OTOA: variants seen among roughly 807,000 people sequenced by gnomAD.
OTOA encodes otoancorin, also known as cancer/testis antigen 108.
OTOA carries 70 observed loss-of-function variants against 110.8 expected under a neutral mutation model. That is an observed-to-expected ratio of 0.63 (90% CI 0.52 to 0.77). OTOA has a LOEUF of 0.77. OTOA is among the 30% of genes least tolerant of loss of function. The pLI is 0.00. For synonymous variants in OTOA, 373 were observed against 431.5 expected (o/e 0.86, Z 1.68); for missense variants, 917 against 1,075.8 (o/e 0.85, Z 2.06).
In OTOA at chr16:21,675,059, TTCTG is replaced by T. The variant is rs879613650; in HGVS notation, c.-4-3448_-4-3445del. ...ATTTGGTCATGAGGTCATGTTTTCT[TTCTG>T]TCTTTCTTTCTTTCTTTCTTTCTTT... On this transcript the variant is annotated intron_variant, in intron 1 of 28. Coordinates refer to ENST00000646100, the MANE Select transcript of OTOA (RefSeq NM_144672.4). Among the ~76,000 whole-genome samples, 298 of 131,388 alleles carry T rather than the reference TTCTG, an allele frequency of 2.3e-3. 3 individuals carry two copies. The highest frequency in any genetic ancestry group is 6.1e-3 in the African/African-American group (203 of 33,214). The allele number at this position is 131,388 out of a possible 152,430, so 86.2% of individuals were successfully genotyped here.
chr16:21,679,137 G>A (rs1228324452), intron 4 of OTOA, 47 bp from the exon 5 acceptor site: 2 of 1,613,406 alleles, frequency 1.2e-6, no homozygotes, highest in South Asian at 2.2e-5. Flanking sequence ...TGATCTCTCT[G>A]GAATGATTCC....
chr16:21,717,010 C>T lies in OTOA; in HGVS notation c.1592C>T (p.Ser531Phe), dbSNP rs1196134826. 6.2e-7 allele frequency: 1 copy of T among 1,614,008 alleles called. No homozygotes were observed. Among genetic ancestry groups the T allele is most frequent in the South Asian group, 1.1e-5 (1 of 91,084 alleles). Residue 531 changes from serine (S) to phenylalanine (F), a missense_variant, in exon 15 of 29, where the codon TCT (serine) becomes TTT (phenylalanine). By Grantham distance (155) the Ser-to-Phe change is radical. Transcript: ENST00000646100. ...TTAAGGAGGCAACCTGGATTCAACT[C>T]TACAGTCCTGAAGGATAAGGAACTT... Reference protein sequence around the residue: ...FDLRRQPGFNSTVLKDKELGR... With the variant: ...FDLRRQPGFNFTVLKDKELGR...
chr16:21,727,416 G>A (rs991816797), intron 19 of OTOA, among the ~76,000 whole-genome samples: 6 of 152,130 alleles, frequency 3.9e-5, no homozygotes, highest in Admixed American at 3.3e-4. Context: ...CTTGCCACTA[G>A]CTGGCAGTTT....
chr16:21,705,136 A>G (rs755190148), intron 11 of OTOA, 33 bp from the exon 12 acceptor site: 1 of 1,614,074 alleles, frequency 6.2e-7, no homozygotes, highest in Non-Finnish European at 8.5e-7. Flanking sequence ...CTGCGGTTAC[A>G]CCTCCACCAC....
chr16:21,728,786 A>G (rs1183566001), intron 20 of OTOA, among the ~76,000 whole-genome samples: 1 of 151,786 alleles, frequency 6.6e-6, no homozygotes, highest in African/African-American at 2.4e-5. Context: ...ACTGGGTTTC[A>G]CCATGTTGGC....
rs1898918463 is a variant in OTOA at position 21,726,432 on chromosome 16, G to A, written c.1881-91G>A. 5.9e-6 allele frequency: 9 copies of A among 1,537,282 alleles called. No individual in the cohort carries two copies. In the South Asian group the frequency reaches 1.0e-4, roughly 17 times the overall value. On this transcript the variant is annotated intron_variant, in intron 18 of 28. Coordinates refer to ENST00000646100, the MANE Select transcript of OTOA (RefSeq NM_144672.4). ...GAACAAACATTTAAAGAATGTCTTTGGGATGAGCTCTTGGGCAGGCGGACC... is the reference window on the plus strand; with the variant it reads ...GAACAAACATTTAAAGAATGTCTTTAGGATGAGCTCTTGGGCAGGCGGACC...
chr16:21,736,906 T>C (rs1899323115), intron 22 of OTOA, among the ~76,000 whole-genome samples: 1 of 152,310 alleles, frequency 6.6e-6, no homozygotes, highest in African/African-American at 2.4e-5. Flanking sequence ...GTAGGTTTAA[T>C]GCGTGAATAT....
chr16:21,746,812 AT>A (rs1442156368), intron 24 of OTOA, among the ~76,000 whole-genome samples: 1 of 144,020 alleles, frequency 6.9e-6, no homozygotes, highest in Non-Finnish European at 1.5e-5. Context: ...ATGGAGGGTA[AT>A]TTTCCAAAGA....
chr16:21,736,150 C>G, intron 21 of OTOA, 111 bp from the exon 22 acceptor site: 2 of 972,398 alleles, frequency 2.1e-6, no homozygotes, highest in Non-Finnish European at 3.2e-6. Context: ...TGAGAAGTTG[C>G]TATAACAAAG....
intron 12 of OTOA, among the ~76,000 whole-genome samples, chr16:21,707,645 C>CT (rs1346984017): frequency 5.8e-5 from 6 of 104,194 alleles, no homozygotes; most frequent in Non-Finnish European, 1.1e-4. Context: ...TTCTTTCTTT[C>CT]TTTCTTTCTT....
chr16:21,758,681 G>A (rs528266936), intron 28 of OTOA, among the ~76,000 whole-genome samples: 16 of 150,094 alleles, frequency 1.1e-4, no homozygotes, highest in African/African-American at 3.9e-4. Context: ...CATGCCTTTT[G>A]ATGTATTATA....
chr16:21,668,057 T>G (rs538359070), intron 1 of OTOA, among the ~76,000 whole-genome samples: 8 of 152,266 alleles, frequency 5.3e-5, no homozygotes, highest in Admixed American at 5.2e-4. Flanking sequence ...CAATAATTCT[T>G]TAAAATCTTC....
chr16:21,699,664 C>T (rs1404886405), intron 10 of OTOA, among the ~76,000 whole-genome samples: 1 of 149,854 alleles, frequency 6.7e-6, no homozygotes, highest in Admixed American at 6.7e-5. Context: ...CACGCCTCTA[C>T]TCCCAGCACT....
intron 13 of OTOA, among the ~76,000 whole-genome samples, chr16:21,712,686 A>T (rs1359770406): frequency 6.6e-6 from 1 of 150,954 alleles, no homozygotes; most frequent in East Asian, 2.0e-4. Flanking sequence ...TAAAAATAAA[A>T]AAAAAAAAAT....
Position 21,677,477 on chromosome 16 carries a change from A to AAC in OTOA, c.-4-1034_-4-1033insAC, listed in dbSNP as rs1300311159. Among the ~76,000 whole-genome samples, 14 of 135,298 alleles carry AAC rather than the reference A, an allele frequency of 1.0e-4. No individual in the cohort carries two copies. The East Asian group carries it at 2.8e-3, about 27-fold the overall frequency. 88.8% of individuals were successfully genotyped at this position (135,298 alleles called of 152,430 possible). A position where few individuals can be genotyped will look rare whatever the true frequency, so the allele number is the denominator to read the frequency against. ...CTGTTTTTATGAAGTTTAGCTTCATATCTTTTTTTTTTTTTTTTTTTTGAG... is the reference window on the plus strand; with the variant it reads ...CTGTTTTTATGAAGTTTAGCTTCATAACTCTTTTTTTTTTTTTTTTTTTTGAG... On this transcript the variant is annotated intron_variant, in intron 1 of 28. Transcript: ENST00000646100.
intron 18 of OTOA, among the ~76,000 whole-genome samples, chr16:21,723,461 T>C (rs1256482306): frequency 6.6e-6 from 1 of 151,948 alleles, no homozygotes. Context: ...AAAAAAAAGT[T>C]CATTGAGTAC....
At chr16:21,685,416 T>A in intron 7 of OTOA, 55 bp downstream of exon 7, 1 of 1,598,608 alleles carries the variant, frequency 6.3e-7, no homozygotes, top group Non-Finnish European at 8.5e-7. Flanking sequence ...ACGTGGTGTT[T>A]GTTGAATTGA....
chr16:21,719,300 T>C, intron 16 of OTOA, 87 bp from the exon 17 acceptor site: 1 of 1,533,696 alleles, frequency 6.5e-7, no homozygotes, highest in Non-Finnish European at 9.0e-7. Flanking sequence ...CTGTAGCTTG[T>C]ATCTGATCAT....
At chr16:21,718,996 G>T in intron 15 of OTOA, 137 bp from the exon 16 acceptor site, 1 of 844,420 alleles carries the variant, frequency 1.2e-6, no homozygotes, top group Non-Finnish European at 2.0e-6. Context: ...CTAGTCCTAG[G>T]TAACTCACAT....
Sources: gnomAD v4.1 joint callset for allele counts (sites outside exome capture counted in the v4.1 genomes callset) on GRCh38, gnomAD v4.1.1 for gene constraint, MANE v1.5 for transcripts, NCBI Gene and HGNC (gene_info 2026-07-23, HGNC 2026-07-21) for gene names.